The following SEMA3E variants were observed in gnomAD, a reference collection of about 807,000 sequenced individuals.
SEMA3E encodes the protein semaphorin-3E.
Under a neutral mutation model 93.6 loss-of-function variants are expected in SEMA3E, and 49 were observed. The ratio of observed to expected loss-of-function variants is 0.52; its 90% confidence interval spans 0.42 to 0.66. The LOEUF is 0.66. Among genes scored for constraint, SEMA3E ranks in the 30% least tolerant of loss-of-function variants. The probability of loss-of-function intolerance (pLI) is 0.00; values close to 1 mark genes in which losing one functional copy is unlikely to be tolerated. For synonymous variants in SEMA3E, 363 were observed against 330.7 expected (o/e 1.10, Z -1.06); for missense variants, 906 against 964.8 (o/e 0.94, Z 0.81).
At chr7:83,511,961 C>T (rs183661463) in intron 1 of SEMA3E, among the ~76,000 whole-genome samples, 215 of 152,106 alleles carry the variant, frequency 1.4e-3, no homozygotes, top group African/African-American at 5.0e-3. Context: ...CCAATTGTTG[C>T]AACATATGAA....
chr7:83,423,201 T>C (rs10245904), intron 4 of SEMA3E, among the ~76,000 whole-genome samples: 2,274 of 152,292 alleles, frequency 0.015, 61 homozygotes, highest in African/African-American at 0.051. Context: ...GTGCAATACG[T>C]AAATCTACCT....
chr7:83,589,734 A>G (rs1430317991), intron 1 of SEMA3E, among the ~76,000 whole-genome samples: 1 of 152,158 alleles, frequency 6.6e-6, no homozygotes, highest in Non-Finnish European at 1.5e-5. Flanking sequence ...TGGAGTATGT[A>G]TTTTACACTC....
At chr7:83,529,447 A>G (rs889725541) in intron 1 of SEMA3E, among the ~76,000 whole-genome samples, 1 of 152,194 alleles carries the variant, frequency 6.6e-6, no homozygotes, top group Non-Finnish European at 1.5e-5. Flanking sequence ...AATATGTTTT[A>G]TAAAATAAAC....
chr7:83,566,796 G>T (rs1792169927), intron 1 of SEMA3E, among the ~76,000 whole-genome samples: 1 of 152,070 alleles, frequency 6.6e-6, no homozygotes. Flanking sequence ...ATAAGAAATA[G>T]AAAGGACTCA....
At chr7:83,530,108 A>G (rs1306683337) in intron 1 of SEMA3E, among the ~76,000 whole-genome samples, 3 of 152,182 alleles carry the variant, frequency 2.0e-5, no homozygotes, top group African/African-American at 7.2e-5. Context: ...GATGAGAAGG[A>G]AACTTACATT....
intron 4 of SEMA3E, among the ~76,000 whole-genome samples, chr7:83,444,029 T>C (rs1418895073): frequency 1.3e-5 from 2 of 152,052 alleles, no homozygotes; most frequent in Non-Finnish European, 2.9e-5. Flanking sequence ...TGACAGTCTC[T>C]TGAGATACTA....
At chr7:83,645,978 T>G (rs1053224867) in intron 1 of SEMA3E, among the ~76,000 whole-genome samples, 1 of 151,974 alleles carries the variant, frequency 6.6e-6, no homozygotes, top group Non-Finnish European at 1.5e-5. Flanking sequence ...ATCTTAAAAG[T>G]GAAGAATATG....
At chr7:83,419,241 T>C (rs1788624618) in intron 4 of SEMA3E, among the ~76,000 whole-genome samples, 1 of 152,234 alleles carries the variant, frequency 6.6e-6, no homozygotes. Flanking sequence ...TTCTTTTTTA[T>C]GGCTGTGTAG....
At chr7:83,570,920 C>A (rs1279590360) in intron 1 of SEMA3E, among the ~76,000 whole-genome samples, 1 of 151,440 alleles carries the variant, frequency 6.6e-6, no homozygotes. Context: ...TTATAAATAC[C>A]TCTATGCACA....
intron 7 of SEMA3E, among the ~76,000 whole-genome samples, chr7:83,406,295 T>C (rs1788329521): frequency 2.6e-5 from 4 of 152,026 alleles, no homozygotes; most frequent in Admixed American, 2.6e-4. Flanking sequence ...ACAGTAAATA[T>C]ATTTTGCAGA....
chr7:83,432,791 A>C (rs1788917353), intron 4 of SEMA3E, among the ~76,000 whole-genome samples: 1 of 152,180 alleles, frequency 6.6e-6, no homozygotes, highest in Admixed American at 6.5e-5. Context: ...ACCAAGATAA[A>C]TGCATAAGTC....
At chr7:83,470,165 T>A (rs1377493130) in intron 2 of SEMA3E, among the ~76,000 whole-genome samples, 2 of 152,230 alleles carry the variant, frequency 1.3e-5, no homozygotes, top group African/African-American at 4.8e-5. Context: ...TTAAAACTTA[T>A]ATTTTAAGTT....
intron 4 of SEMA3E, among the ~76,000 whole-genome samples, chr7:83,419,618 C>T (rs958830759): frequency 2.6e-5 from 4 of 152,120 alleles, no homozygotes. Context: ...ATTATAATAG[C>T]CTTCCTGACT....
intron 4 of SEMA3E, among the ~76,000 whole-genome samples, chr7:83,427,184 C>G (rs1788789582): frequency 6.6e-6 from 1 of 151,226 alleles, no homozygotes; most frequent in Admixed American, 6.6e-5. Flanking sequence ...TTCTTTCTTC[C>G]TTCCTTCCTT....
At chr7:83,600,996 G>A (rs1435772395) in intron 1 of SEMA3E, among the ~76,000 whole-genome samples, 1 of 152,140 alleles carries the variant, frequency 6.6e-6, no homozygotes, top group Admixed American at 6.5e-5. Flanking sequence ...GCATTATCTG[G>A]GTGAAACCAA....
intron 4 of SEMA3E, among the ~76,000 whole-genome samples, chr7:83,421,608 C>T (rs1788670195): frequency 7.0e-6 from 1 of 142,356 alleles, no homozygotes; most frequent in Admixed American, 7.0e-5. Context: ...CAACCCTGCT[C>T]ATCTGTGAAC....
intron 1 of SEMA3E, among the ~76,000 whole-genome samples, chr7:83,624,428 A>G (rs997884770): frequency 6.6e-6 from 1 of 151,974 alleles, no homozygotes; most frequent in East Asian, 1.9e-4. Flanking sequence ...TAATGGCATG[A>G]GTTGGTATGT....
rs554630895 is a variant in SEMA3E, at chr7:83,463,751, C to T, written c.456+2731G>A. On this transcript the variant is annotated intron_variant, in intron 4 of 16. Transcript: ENST00000643230. ...TTAGAACCTCTCATTTCCTTTCCAT[C>T]GTGGAAATCTATCCTCAAGGAAATA... is the stretch of plus-strand genomic sequence containing the variant. Among the ~76,000 whole-genome samples the T allele has an allele frequency of 6.1e-3, 923 of 151,756 alleles. 14 individuals are homozygous for T. Among genetic ancestry groups the T allele is most frequent in the African/African-American group, 0.021 (880 of 41,176 alleles).
chr7:83,565,222 C>G (rs111399022), intron 1 of SEMA3E, among the ~76,000 whole-genome samples: 26,456 of 152,100 alleles, frequency 0.17, 3,144 homozygotes, highest in African/African-American at 0.33. Flanking sequence ...CCATAAAAAA[C>G]AATGAGATCA....
Sources: allele counts gnomAD v4.1 joint callset (sites outside exome capture counted in the v4.1 genomes callset), GRCh38; gene constraint gnomAD v4.1.1; transcripts MANE v1.5; gene names NCBI Gene and HGNC (gene_info 2026-07-23, HGNC 2026-07-21).